The following HTR4 variants were observed in gnomAD, a reference collection of about 807,000 sequenced individuals.
HTR4 encodes the protein 5-hydroxytryptamine receptor 4, also known as 5-hydroxytryptamine (serotonin) receptor 4, G protein-coupled.
In HTR4, 16 loss-of-function variants were observed where a neutral mutation model predicts 36.8. That is an observed-to-expected ratio of 0.43 (90% confidence interval 0.29 to 0.66). The LOEUF is 0.66. Among genes scored for constraint, HTR4 ranks in the 30% least tolerant of loss-of-function variants. HTR4 has a pLI of 0.13. For missense variants in HTR4, 438 were observed against 490.9 expected, an observed-to-expected ratio of 0.89 and a Z score of 1.02; for synonymous variants, 189 against 185.1, an observed-to-expected ratio of 1.02 and a Z score of -0.17.
At chr5:148,626,033 C>G (rs1238624974) in intron 2 of HTR4, among the ~76,000 whole-genome samples, 1 of 152,138 alleles carries the variant, frequency 6.6e-6, no homozygotes, top group Non-Finnish European at 1.5e-5. Context: ...GCTTGACTGT[C>G]CAGAGAACTG....
chr5:148,592,082 T>C (rs1581518989), intron 2 of HTR4, among the ~76,000 whole-genome samples: 2 of 152,246 alleles, frequency 1.3e-5, no homozygotes, highest in African/African-American at 4.8e-5. Flanking sequence ...GTGTCTTCTG[T>C]GGGAACATGG....
intron 2 of HTR4, among the ~76,000 whole-genome samples, chr5:148,606,824 T>C: frequency 6.6e-6 from 1 of 152,224 alleles, no homozygotes; most frequent in East Asian, 1.9e-4. Context: ...TTGTCACTTC[T>C]ATGAATTAGC....
intron 2 of HTR4, among the ~76,000 whole-genome samples, chr5:148,636,357 TG>T (rs1413229932): frequency 6.6e-6 from 1 of 152,228 alleles, no homozygotes; most frequent in Admixed American, 6.5e-5. Flanking sequence ...CAGCCTCAAA[TG>T]CCAATTCATA....
chr5:148,607,293 G>T (rs1324971319), intron 2 of HTR4, among the ~76,000 whole-genome samples: 1 of 152,148 alleles, frequency 6.6e-6, no homozygotes, highest in Non-Finnish European at 1.5e-5. Flanking sequence ...GAAAAATGTA[G>T]TGGGCACAGA....
At chr5:148,505,432 A>C (rs1757147080) in intron 6 of HTR4, among the ~76,000 whole-genome samples, 1 of 152,180 alleles carries the variant, frequency 6.6e-6, no homozygotes, top group Non-Finnish European at 1.5e-5. Flanking sequence ...AATGGGCAAA[A>C]ACTGGAAGCA....
chr5:148,516,076 CTG>C (rs1252948946), intron 5 of HTR4, among the ~76,000 whole-genome samples: 1 of 150,592 alleles, frequency 6.6e-6, no homozygotes, highest in Non-Finnish European at 1.5e-5. Flanking sequence ...TCAGAATGGT[CTG>C]TAATAAAATT....
At chr5:148,545,402 C>T (rs1260163775) in intron 4 of HTR4, among the ~76,000 whole-genome samples, 1 of 152,206 alleles carries the variant, frequency 6.6e-6, no homozygotes, top group Non-Finnish European at 1.5e-5. Context: ...TGTCAACCTC[C>T]CCATAACAAT....
chr5:148,577,642 AAAT>A (rs1760977324), intron 2 of HTR4, among the ~76,000 whole-genome samples: 1 of 152,170 alleles, frequency 6.6e-6, no homozygotes, highest in South Asian at 2.1e-4. Flanking sequence ...CAGCCTATAT[AAAT>A]AATAAGATCA....
chr5:148,457,908 T>TC (rs1755145665), intron 5 of HTR4, among the ~76,000 whole-genome samples: 1 of 137,220 alleles, frequency 7.3e-6, no homozygotes, highest in African/African-American at 2.7e-5. Context: ...TTTTAATATA[T>TC]ATTTAATATA....
Position 148,509,996 on chromosome 5 carries a change from G to C in HTR4, c.536C>G (p.Ser179Cys). The C allele has an allele frequency of 6.2e-7, 1 of 1,613,184 alleles. No individual in the cohort carries two copies. The highest frequency in any genetic ancestry group is 8.5e-7 in the Non-Finnish European group (1 of 1,179,554). Reference protein sequence around the residue: ...LIEKRKFNQNSNSTYCVFMVN... With the variant: ...LIEKRKFNQNCNSTYCVFMVN... The stretch of plus-strand genomic sequence containing the variant: ...CATGAAGACACAGTACGTAGAGTTA[G>C]AGTTCTGGTTGAACTTCCTCTTTTC... The change falls in exon 6 of 7, where the codon TCT (serine) becomes TGT (cysteine). Residue 179 changes from serine (S) to cysteine (C), a missense_variant. Physicochemically the swap from Ser to Cys is moderately radical, Grantham distance 112. Coordinates refer to ENST00000377888, the MANE Select transcript of HTR4 (RefSeq NM_000870.7).
At chr5:148,629,319 T>C (rs1263980856) in intron 2 of HTR4, 1 of 152,180 alleles carries the variant, frequency 6.6e-6, no homozygotes, top group Non-Finnish European at 1.5e-5. Context: ...GAATTTGAAA[T>C]GCTACAATGC....
intron 6 of HTR4, among the ~76,000 whole-genome samples, chr5:148,505,481 C>G (rs924315860): frequency 2.0e-5 from 3 of 152,186 alleles, no homozygotes; most frequent in Non-Finnish European, 4.4e-5. Flanking sequence ...AATGCCCTCT[C>G]TCACCACTCC....
At chr5:148,579,669 T>C (rs541556313) in intron 2 of HTR4, among the ~76,000 whole-genome samples, 2 of 152,148 alleles carry the variant, frequency 1.3e-5, no homozygotes, top group Admixed American at 6.6e-5. Flanking sequence ...GCTCACATGA[T>C]TGTGGGCATA....
At chr5:148,507,087 CG>C (rs1561584705) in intron 6 of HTR4, among the ~76,000 whole-genome samples, 1 of 151,868 alleles carries the variant, frequency 6.6e-6, no homozygotes, top group African/African-American at 2.4e-5. Flanking sequence ...ATGTTTATTG[CG>C]GCACTATTCA....
chr5:148,612,205 C>G (rs1374142444), intron 2 of HTR4, among the ~76,000 whole-genome samples: 1 of 152,138 alleles, frequency 6.6e-6, no homozygotes, highest in African/African-American at 2.4e-5. Flanking sequence ...AACTCTCCAC[C>G]ACAAATCAAC....
chr5:148,603,965 A>T (rs1581532858), intron 2 of HTR4, among the ~76,000 whole-genome samples: 1 of 152,122 alleles, frequency 6.6e-6, no homozygotes, highest in East Asian at 1.9e-4. Flanking sequence ...TCAATCTGAT[A>T]TCTATATATA....
chr5:148,540,412 A>G (rs866904290), intron 4 of HTR4, among the ~76,000 whole-genome samples: 7,478 of 102,844 alleles, frequency 0.073, 484 homozygotes, highest in Non-Finnish European at 0.11. Context: ...ATATATATAT[A>G]TATATATATA....
intron 2 of HTR4, among the ~76,000 whole-genome samples, chr5:148,581,245 T>C (rs543694828): frequency 6.6e-6 from 1 of 152,056 alleles, no homozygotes; most frequent in African/African-American, 2.4e-5. Flanking sequence ...TTTTGGAAAT[T>C]AATGCATTAT....
At chr5:148,532,782 TG>T (rs1350959801) in intron 4 of HTR4, among the ~76,000 whole-genome samples, 1 of 152,230 alleles carries the variant, frequency 6.6e-6, no homozygotes, top group Non-Finnish European at 1.5e-5. Flanking sequence ...AAAGGCTGAC[TG>T]GGGCACGTCT....
Sources: gnomAD v4.1 joint callset for allele counts (sites outside exome capture counted in the v4.1 genomes callset) on GRCh38, gnomAD v4.1.1 for gene constraint, MANE v1.5 for transcripts, NCBI Gene and HGNC (gene_info 2026-07-23, HGNC 2026-07-21) for gene names.